The following ZNF654 variants were observed in gnomAD, a reference collection of about 807,000 sequenced individuals.
The protein encoded by ZNF654 is melanoma-associated antigen.
Under a neutral mutation model 95.3 loss-of-function variants are expected in ZNF654, and 19 were observed. That is an observed-to-expected ratio of 0.20 (90% CI 0.14 to 0.29). The LOEUF (loss-of-function observed/expected upper bound fraction) is 0.29. ZNF654 is among the 10% of genes least tolerant of loss of function. The probability of loss-of-function intolerance (pLI) is 1.00; values close to 1 mark genes in which losing one functional copy is unlikely to be tolerated. For synonymous variants in ZNF654, 413 were observed against 457.9 expected, an observed-to-expected ratio of 0.90 and a Z score of 1.25; for missense variants, 1,046 against 1,341.0, an observed-to-expected ratio of 0.78 and a Z score of 3.44.
chr3:88,082,519 G>A (rs1348333767), intron 1 of ZNF654, among the ~76,000 whole-genome samples: 1 of 152,228 alleles, frequency 6.6e-6, no homozygotes, highest in Non-Finnish European at 1.5e-5. Context: ...GAACTGTGAG[G>A]TGTTTGAGGT....
At position 88,141,322 on chromosome 3, in the gene ZNF654, A is replaced by G. The variant is rs540757400; in HGVS notation, c.3379+274A>G. Among the ~76,000 whole-genome samples the G allele has an allele frequency of 7.9e-5, 9 of 114,564 alleles. No homozygotes were observed. The East Asian group carries it at 2.5e-3, about 32-fold the overall frequency. 75.2% of individuals were successfully genotyped at this position (114,564 alleles called of 152,430 possible). ...GGCAGAACCTGAACACAGGTTTTTC[A>G]TATTCTTTGATTATACTTCTTCACT... On this transcript the variant is annotated intron_variant, in intron 8 of 8. Transcript: ENST00000636215.
At chr3:88,120,122 A>C (rs1450003966) in intron 3 of ZNF654, among the ~76,000 whole-genome samples, 1 of 152,118 alleles carries the variant, frequency 6.6e-6, no homozygotes, top group Non-Finnish European at 1.5e-5. Context: ...ATATTTTTAT[A>C]ATTTTGAGAC....
chr3:88,111,992 T>C (rs1169038814), intron 2 of ZNF654, among the ~76,000 whole-genome samples: 1 of 151,986 alleles, frequency 6.6e-6, no homozygotes, highest in Non-Finnish European at 1.5e-5. Flanking sequence ...TACTAGGTTA[T>C]TGACTTTTTT....
chr3:88,096,330 A>T (rs1704057048), intron 2 of ZNF654, among the ~76,000 whole-genome samples: 2 of 152,100 alleles, frequency 1.3e-5, no homozygotes, highest in Admixed American at 1.3e-4. Context: ...GCCCACAGAC[A>T]AGAGATGGTT....
At chr3:88,088,352 A>C (rs1015124866) in intron 2 of ZNF654, among the ~76,000 whole-genome samples, 1 of 152,220 alleles carries the variant, frequency 6.6e-6, no homozygotes, top group African/African-American at 2.4e-5. Flanking sequence ...AAAGTGAAAA[A>C]TAATTTTGAA....
rs188787709 is a variant in ZNF654 at position 88,140,899 on chromosome 3, G to A, written c.3230G>A (p.Cys1077Tyr). 7.6e-4 allele frequency: 1,225 copies of A among 1,613,566 alleles called. No individual in the cohort carries two copies. The highest frequency in any genetic ancestry group is 9.9e-4 in the Non-Finnish European group (1,168 of 1,179,652). ...RKFLTDRVDACSDQDNVYKKS... is the reference protein window; with the variant it reads ...RKFLTDRVDAYSDQDNVYKKS... ...TTTCTGACTGATAGAGTAGATGCCT[G>A]TTCTGATCAAGATAACGTGTATAAA... Residue 1077 changes from cysteine to tyrosine, a missense_variant, in exon 8 of 9, where the codon TGT becomes TAT. By Grantham distance (194) the Cys-to-Tyr change is radical. This residue lies in a region of ZNF654 where 59 missense variants were observed against 73.0 expected (regional missense o/e 0.81). Coordinates refer to ENST00000636215, the MANE Select transcript of ZNF654 (RefSeq NM_001350134.2).
At chr3:88,059,734 G>A (rs111434653) in intron 1 of ZNF654, among the ~76,000 whole-genome samples, 3,146 of 152,138 alleles carry the variant, frequency 0.021, 60 homozygotes, top group South Asian at 0.066. Flanking sequence ...GTTTGTCGGG[G>A]ATGGAGGGGC....
At position 88,143,995 on chromosome 3, in the gene ZNF654, ATTC is replaced by A. The variant is rs1486923221; in HGVS notation, c.*2349_*2351del. 1.3e-5 allele frequency: 2 copies of A among 152,318 alleles called. No individual in the cohort carries two copies. Among genetic ancestry groups the A allele is most frequent in the African/African-American group, 2.4e-5 (1 of 41,428 alleles). The allele number at this position is 152,318 out of a possible 1,614,324, so 9.4% of individuals were successfully genotyped here. A position where few individuals can be genotyped will look rare whatever the true frequency, so the allele number is the denominator to read the frequency against. ...AGGAAGCTTGCTTCTTATTCCTCAG[ATTC>A]TTCTTTTTTTCTGTTTTGAGGATGT... On this transcript the variant is annotated 3_prime_UTR_variant, in exon 9 of 9. Coordinates refer to ENST00000636215, the MANE Select transcript of ZNF654 (RefSeq NM_001350134.2).
chr3:88,076,446 A>C (rs558519223), intron 1 of ZNF654, among the ~76,000 whole-genome samples: 73 of 152,124 alleles, frequency 4.8e-4, no homozygotes, highest in Middle Eastern at 6.8e-3. Flanking sequence ...ATATCTGTCT[A>C]GTCTAGCCTC....
At chr3:88,136,654 T>C (rs1303903549) in intron 7 of ZNF654, among the ~76,000 whole-genome samples, 1 of 152,106 alleles carries the variant, frequency 6.6e-6, no homozygotes, top group East Asian at 1.9e-4. Context: ...AGCAGAGAAA[T>C]ATGGGGAAGT....
chr3:88,074,907 A>C (rs1707715370), intron 1 of ZNF654, among the ~76,000 whole-genome samples: 1 of 152,176 alleles, frequency 6.6e-6, no homozygotes, highest in Non-Finnish European at 1.5e-5. Context: ...GCCAGTGTCC[A>C]TAACTTGTGC....
intron 1 of ZNF654, among the ~76,000 whole-genome samples, chr3:88,082,283 C>T (rs775058194): frequency 6.6e-6 from 1 of 152,058 alleles, no homozygotes; most frequent in Non-Finnish European, 1.5e-5. Context: ...CGTGCCACCA[C>T]GCCCAGCTAA....
chr3:88,071,663 G>T (rs961935308), intron 1 of ZNF654, among the ~76,000 whole-genome samples: 1 of 150,008 alleles, frequency 6.7e-6, no homozygotes, highest in Non-Finnish European at 1.5e-5. Flanking sequence ...AATTAGCCGG[G>T]CGTGGTGGCG....
chr3:88,076,857 C>T lies in ZNF654; in HGVS notation c.187-9400C>T, dbSNP rs192834011. Among the ~76,000 whole-genome samples the T allele has an allele frequency of 2.4e-3, 369 of 152,258 alleles. 4 individuals carry two copies. Among genetic ancestry groups the T allele is most frequent in the Admixed American group, 9.9e-3 (152 of 15,296 alleles). ...GCTATTCATAAGAGGAAAGTTGGAT[C>T]TTTAGGCAGATACCTAAGCTGCCAC... On this transcript the variant is annotated intron_variant, in intron 1 of 8. Coordinates refer to ENST00000636215, the MANE Select transcript of ZNF654 (RefSeq NM_001350134.2).
chr3:88,140,877 C>G lies in ZNF654; in HGVS notation c.3208C>G (p.Leu1070Val). 6.2e-7 allele frequency: 1 copy of G among 1,613,590 alleles called. No individual in the cohort carries two copies. The highest frequency in any genetic ancestry group is 8.5e-7 in the Non-Finnish European group (1 of 1,179,638). The change falls in exon 8 of 9, where the codon CTG becomes GTG. Residue 1070 changes from leucine (L) to valine (V), a missense_variant. Leu to Val is a conservative substitution (Grantham distance 32, BLOSUM62 1). Around this residue, in one of 9 missense-constraint regions of ZNF654, gnomAD observed 59 missense variants for 73.0 expected, o/e 0.81. Coordinates refer to ENST00000636215, the MANE Select transcript of ZNF654 (RefSeq NM_001350134.2). ...TAGTATGCCAAAACGCAGAAAATTT[C>G]TGACTGATAGAGTAGATGCCTGTTC... ...YLSMPKRRKF[L>V]TDRVDACSDQ...
chr3:88,062,547 C>G (rs1400251347), intron 1 of ZNF654, among the ~76,000 whole-genome samples: 1 of 152,176 alleles, frequency 6.6e-6, no homozygotes, highest in Non-Finnish European at 1.5e-5. Flanking sequence ...GCTGTAAACA[C>G]TTTTCTAATT....
At chr3:88,090,785 C>G (rs555925658) in intron 2 of ZNF654, among the ~76,000 whole-genome samples, 132 of 152,226 alleles carry the variant, frequency 8.7e-4, no homozygotes, top group Non-Finnish European at 1.5e-3. Flanking sequence ...TATGGCTTCC[C>G]TGGCCACATT....
At chr3:88,071,446 C>T (rs928531233) in intron 1 of ZNF654, among the ~76,000 whole-genome samples, 2 of 152,124 alleles carry the variant, frequency 1.3e-5, no homozygotes, top group East Asian at 1.9e-4. Flanking sequence ...AGATCGAGAC[C>T]GTCCTGGCTA....
At chr3:88,113,432 C>T (rs1705210270) in intron 3 of ZNF654, among the ~76,000 whole-genome samples, 1 of 152,082 alleles carries the variant, frequency 6.6e-6, no homozygotes, top group Non-Finnish European at 1.5e-5. Flanking sequence ...TAGAAAAGAG[C>T]CTGCTACCAC....
Sources: gnomAD v4.1 joint callset for allele counts (sites outside exome capture counted in the v4.1 genomes callset) on GRCh38, gnomAD v4.1.1 for gene constraint, gnomAD v4.1.1 regional missense constraint, MANE v1.5 for transcripts, NCBI Gene and HGNC (gene_info 2026-07-23, HGNC 2026-07-21) for gene names.